The following ATP6V1E1 variants were observed in gnomAD, a reference collection of about 807,000 sequenced individuals.
ATP6V1E1 encodes the protein ATPase H+ transporting V1 subunit E1, also known as V-type proton ATPase subunit E 1.
In ATP6V1E1, 21 loss-of-function variants were observed where a neutral mutation model predicts 35.2. That is an observed-to-expected ratio of 0.60 (90% CI 0.42 to 0.86). ATP6V1E1 has a LOEUF of 0.86. ATP6V1E1 is among the 40% of genes least tolerant of loss of function. ATP6V1E1 has a pLI of 0.00. For synonymous variants in ATP6V1E1, 83 were observed against 87.8 expected, an observed-to-expected ratio of 0.95 and a Z score of 0.30; for missense variants, 183 against 272.6, an observed-to-expected ratio of 0.67 and a Z score of 2.32.
At chr22:17,609,246 C>T (rs1015721032) in intron 4 of ATP6V1E1, among the ~76,000 whole-genome samples, 61 of 151,222 alleles carry the variant, frequency 4.0e-4, no homozygotes, top group Admixed American at 3.8e-3. Context: ...TTGCAACCTC[C>T]GCCTCCCGGG....
intron 3 of ATP6V1E1, 72 bp downstream of exon 3, chr22:17,613,139 C>G: frequency 7.6e-7 from 1 of 1,315,548 alleles, no homozygotes; most frequent in Non-Finnish European, 1.1e-6. Flanking sequence ...TTTATATATG[C>G]CTGACTCCAA....
At chr22:17,594,061 G>A (rs994768633) in intron 8 of ATP6V1E1, among the ~76,000 whole-genome samples, 1 of 152,158 alleles carries the variant, frequency 6.6e-6, no homozygotes. Flanking sequence ...AATTAGCCGG[G>A]TGTGGTGGCA....
intron 4 of ATP6V1E1, 46 bp from the exon 5 acceptor site, chr22:17,601,227 T>A: frequency 3.3e-6 from 5 of 1,527,976 alleles, no homozygotes; most frequent in Non-Finnish European, 4.5e-6. Context: ...ATCTGGGCAG[T>A]CGGCTCAGAA....
In ATP6V1E1 at chr22:17,628,713, G is replaced by C. The variant is rs8139009; in HGVS notation, c.-78C>G. On this transcript the variant is annotated 5_prime_UTR_variant, in exon 1 of 9. Transcript: ENST00000253413. ...GGTGAGGTGAGAGAAATCGGCAAAG[G>C]GAACCCCTGCGCAGATCTCGGGTTC... The C allele has an allele frequency of 3.0e-5, 48 of 1,589,564 alleles. 1 individual carries two copies. The highest frequency in any genetic ancestry group is 1.6e-4 in the East Asian group (7 of 44,792).
chr22:17,617,657 A>G (rs1274831681), intron 2 of ATP6V1E1, among the ~76,000 whole-genome samples: 1 of 152,132 alleles, frequency 6.6e-6, no homozygotes, highest in African/African-American at 2.4e-5. Context: ...CCTTGGGAAA[A>G]GAACATTTTG....
At chr22:17,617,705 T>A (rs930945684) in intron 2 of ATP6V1E1, among the ~76,000 whole-genome samples, 1 of 152,236 alleles carries the variant, frequency 6.6e-6, no homozygotes, top group African/African-American at 2.4e-5. Flanking sequence ...ATAAGCAATG[T>A]ACAACTGGAA....
chr22:17,618,624 GTGAGCCAAGATCTGGCCACTGCAC>G (rs1316871828), intron 2 of ATP6V1E1, among the ~76,000 whole-genome samples: 1 of 148,566 alleles, frequency 6.7e-6, no homozygotes, highest in Non-Finnish European at 1.5e-5. Context: ...GGAGCTTGCA[GTGAGCCAAGATCTGGCCACTGCAC>G]TCCAGCCTGG....
intron 2 of ATP6V1E1, 55 bp from the exon 3 acceptor site, chr22:17,613,375 T>G: frequency 6.8e-7 from 1 of 1,472,318 alleles, no homozygotes; most frequent in South Asian, 1.1e-5. Flanking sequence ...ATTAACAGTT[T>G]TAAACAGCTG....
intron 4 of ATP6V1E1, among the ~76,000 whole-genome samples, chr22:17,602,833 C>A (rs2057768391): frequency 6.6e-6 from 1 of 152,162 alleles, no homozygotes; most frequent in Non-Finnish European, 1.5e-5. Context: ...AGATTTAATG[C>A]CATTCATTGG....
chr22:17,600,819 A>G, intron 5 of ATP6V1E1: 1 of 234,286 alleles, frequency 4.3e-6, no homozygotes, highest in Non-Finnish European at 8.2e-6. Flanking sequence ...AGCCATTGCA[A>G]GCAAATTTGA....
chr22:17,603,114 T>A (rs2057769794), intron 4 of ATP6V1E1, among the ~76,000 whole-genome samples: 1 of 152,120 alleles, frequency 6.6e-6, no homozygotes, highest in African/African-American at 2.4e-5. Context: ...CTCACCCAGC[T>A]AATTTTTGTA....
chr22:17,623,890 T>A (rs2057890544), intron 1 of ATP6V1E1, among the ~76,000 whole-genome samples: 1 of 152,090 alleles, frequency 6.6e-6, no homozygotes, highest in Non-Finnish European at 1.5e-5. Flanking sequence ...CATATTCTTT[T>A]AAGAGTTCCA....
intron 8 of ATP6V1E1, 142 bp downstream of exon 8, chr22:17,594,387 G>T (rs1183657743): frequency 1.5e-6 from 1 of 647,432 alleles, no homozygotes. Context: ...GCTACTACAT[G>T]CCCAATTCTC....
At chr22:17,622,803 T>C (rs1349623907) in intron 1 of ATP6V1E1, among the ~76,000 whole-genome samples, 1 of 151,982 alleles carries the variant, frequency 6.6e-6, no homozygotes, top group Non-Finnish European at 1.5e-5. Context: ...CCATCTCTAC[T>C]AAAAATACAA....
chr22:17,615,670 C>T (rs2057840331), intron 2 of ATP6V1E1, among the ~76,000 whole-genome samples: 2 of 151,176 alleles, frequency 1.3e-5, no homozygotes, highest in Admixed American at 6.6e-5. Flanking sequence ...AAGGCCAAGG[C>T]GGGTGGATCA....
intron 1 of ATP6V1E1, among the ~76,000 whole-genome samples, chr22:17,623,986 C>T (rs192486097): frequency 6.6e-6 from 1 of 152,160 alleles, no homozygotes; most frequent in African/African-American, 2.4e-5. Context: ...GTTTCTTCTT[C>T]CTGCTCAGTA....
chr22:17,613,865 G>A (rs2057828295), intron 2 of ATP6V1E1, among the ~76,000 whole-genome samples: 1 of 152,202 alleles, frequency 6.6e-6, no homozygotes, highest in South Asian at 2.1e-4. Flanking sequence ...TACTCAGGAG[G>A]CTGAGGCAGG....
At chr22:17,619,074 A>T (rs1296182705) in intron 2 of ATP6V1E1, 3 of 455,898 alleles carry the variant, frequency 6.6e-6, no homozygotes, top group Non-Finnish European at 1.3e-5. Context: ...TAGGCGGATC[A>T]CAAGGTCAAG....
chr22:17,620,915 T>C (rs2057873241), intron 1 of ATP6V1E1, among the ~76,000 whole-genome samples: 1 of 151,818 alleles, frequency 6.6e-6, no homozygotes, highest in Admixed American at 6.6e-5. Flanking sequence ...TACAAAAAAT[T>C]AGCCGGCGTG....
Sources: gnomAD v4.1 joint callset for allele counts (sites outside exome capture counted in the v4.1 genomes callset) on GRCh38, gnomAD v4.1.1 for gene constraint, MANE v1.5 for transcripts, NCBI Gene and HGNC (gene_info 2026-07-23, HGNC 2026-07-21) for gene names.